The following SEMA4F variants were observed in gnomAD, a reference collection of about 807,000 sequenced individuals.
SEMA4F encodes ssemaphorin 4F.
In SEMA4F, 51 loss-of-function variants were observed where a neutral mutation model predicts 78.4. The observed-to-expected ratio is 0.65, with a 90% CI of 0.52 to 0.82. The LOEUF (loss-of-function observed/expected upper bound fraction) is 0.82, where lower values mean the gene tolerates loss of function less well. SEMA4F is among the 40% of genes least tolerant of loss of function. The pLI, the probability that SEMA4F is intolerant of heterozygous loss-of-function variation, is 0.00. For synonymous variants in SEMA4F, 418 were observed against 408.7 expected, an observed-to-expected ratio of 1.02 and a Z score of -0.27; for missense variants, 938 against 1,014.4, an observed-to-expected ratio of 0.92 and a Z score of 1.02.
chr2:74,706,997 G>A, the SEMA4F span, among the ~76,000 whole-genome samples: 5 of 152,096 alleles, frequency 3.3e-5, no homozygotes, highest in Non-Finnish European at 7.4e-5. Context: ...AACAAGGCTG[G>A]ATCTCACCCT....
intron 12 of SEMA4F, among the ~76,000 whole-genome samples, chr2:74,676,688 A>G (rs1253329197): frequency 1.3e-5 from 2 of 152,000 alleles, no homozygotes; most frequent in African/African-American, 4.8e-5. Context: ...GTCCACCTCT[A>G]CCACTACCAC....
At chr2:74,705,134 CAATT>C in the SEMA4F span, among the ~76,000 whole-genome samples, 2 of 152,130 alleles carry the variant, frequency 1.3e-5, no homozygotes, top group African/African-American at 2.4e-5. Context: ...ATTAAAATAA[CAATT>C]AAATACCATT....
At chr2:74,662,913 C>A in intron 5 of SEMA4F, 88 bp downstream of exon 5, 1 of 1,142,330 alleles carries the variant, frequency 8.8e-7, no homozygotes, top group Non-Finnish European at 1.3e-6. Context: ...TTCTTTCTTA[C>A]CTTGGAATGT....
At chr2:74,671,713 C>T (rs770201496) in intron 5 of SEMA4F, among the ~76,000 whole-genome samples, 6 of 152,224 alleles carry the variant, frequency 3.9e-5, no homozygotes, top group Non-Finnish European at 8.8e-5. Context: ...GAAGGCACTT[C>T]AGCCTTAGGA....
chr2:74,666,550 C>T (rs531200271), intron 5 of SEMA4F, among the ~76,000 whole-genome samples: 3 of 152,098 alleles, frequency 2.0e-5, no homozygotes, highest in Admixed American at 6.5e-5. Flanking sequence ...TGTCTCAGAT[C>T]CAAATCATAG....
chr2:74,675,823 C>T lies in SEMA4F; in HGVS notation c.1557C>T (p.Cys519=), dbSNP rs1251560771. The T allele has an allele frequency of 6.2e-7, 1 of 1,614,270 alleles. No homozygotes were observed. The highest frequency in any genetic ancestry group is 1.7e-5 in the Admixed American group (1 of 60,034). ...CCAACTGTGGCCGTCTCCAGAGCTG[C>T]TCAGAGTGCATCCTGGCCCAGGACC... ...NTTNCGRLQS[C]SECILAQDPV... The change falls in exon 12 of 14, where the codon TGC becomes TGT. Residue 519 remains cysteine (C), a synonymous_variant. Coordinates refer to ENST00000357877, the MANE Select transcript of SEMA4F (RefSeq NM_004263.5).
rs377346956 is a variant in SEMA4F, at chr2:74,675,505, G to T, written c.1373-20G>T. The T allele has an allele frequency of 1.2e-5, 19 of 1,609,586 alleles. No individual in the cohort carries two copies. The African/African-American group carries it at 2.4e-4, about 20-fold the overall frequency. On this transcript the variant is annotated intron_variant, in intron 10 of 13. Coordinates refer to ENST00000357877, the MANE Select transcript of SEMA4F (RefSeq NM_004263.5). Reference sequence around the variant, plus strand: ...CAGGGGCAATTATGTAATTATTCTTGTTCCTTTCCTGTCCCCTAGAGGATG... The same window carrying T: ...CAGGGGCAATTATGTAATTATTCTTTTTCCTTTCCTGTCCCCTAGAGGATG...
chr2:74,683,304 C>G lies in SEMA4F; in HGVS notation c.*3095C>G, dbSNP rs913035234. On this transcript the variant is annotated 3_prime_UTR_variant, in exon 14 of 14. Coordinates refer to ENST00000357877, the MANE Select transcript of SEMA4F (RefSeq NM_004263.5). ...CACTAATCACCTCACATGGGTTCATCTGAACTTTATGCCAGCCCAAAACAC... is the reference window on the plus strand; with the variant it reads ...CACTAATCACCTCACATGGGTTCATGTGAACTTTATGCCAGCCCAAAACAC... The G allele has an allele frequency of 6.6e-6, 1 of 152,220 alleles. No individual in the cohort carries two copies. Among genetic ancestry groups the G allele is most frequent in the Non-Finnish European group, 1.5e-5 (1 of 68,052 alleles). 9.4% of individuals were successfully genotyped at this position (152,220 alleles called of 1,614,324 possible). A position where few individuals can be genotyped will look rare whatever the true frequency, so the allele number is the denominator to read the frequency against.
At position 74,673,460 on chromosome 2, in the gene SEMA4F, GGGT is replaced by G; in HGVS notation, c.555_557del (p.Val186del). The G allele has an allele frequency of 6.2e-7, 1 of 1,614,094 alleles. No individual in the cohort carries two copies. Among genetic ancestry groups the G allele is most frequent in the South Asian group, 1.1e-5 (1 of 91,062 alleles). On this transcript the variant is annotated inframe_deletion, in exon 6 of 14. Transcript: ENST00000357877. ...TCTCCTCCCTGTCGCCCTGCAGGGG[GGGT>G]CCTCTATGCTGCCACTGTGAAAAAC...
At position 74,675,254 on chromosome 2, in the gene SEMA4F, G is replaced by A. The variant is rs769588310; in HGVS notation, c.1242G>A (p.Met414Ile). 6.2e-7 allele frequency: 1 copy of A among 1,614,174 alleles called. No individual in the cohort carries two copies. ...CCTTCATCCGGGACCACCCACTCAT[G>A]GACAGGCCAGTGTTTCCAGCTGATG... is the stretch of plus-strand genomic sequence containing the variant. ...VLTFIRDHPL[M>I]DRPVFPADGH... is the part of the protein sequence containing the mutation. The change falls in exon 10 of 14, where the codon ATG becomes ATA. Residue 414 changes from methionine to isoleucine, a missense_variant. Coordinates refer to ENST00000357877, the MANE Select transcript of SEMA4F (RefSeq NM_004263.5).
chr2:74,695,580 G>C, the SEMA4F span, among the ~76,000 whole-genome samples: 1 of 152,178 alleles, frequency 6.6e-6, no homozygotes, highest in African/African-American at 2.4e-5. Flanking sequence ...TTGTCATATA[G>C]AGGGTAATTC....
chr2:74,704,015 A>G, the SEMA4F span, among the ~76,000 whole-genome samples: 1 of 152,124 alleles, frequency 6.6e-6, no homozygotes, highest in Non-Finnish European at 1.5e-5. Flanking sequence ...TACCCATTTT[A>G]GATTAGACTG....
chr2:74,673,845 G>GCTGT lies in SEMA4F; in HGVS notation c.822+27_822+30dup. ...GTGTGTGCGGTGAGACCCCATCCCA[G>GCTGT]CTGTCTGTCTGTCATCTCCTGCTCT... On this transcript the variant is annotated intron_variant, in intron 7 of 13. Coordinates refer to ENST00000357877, the MANE Select transcript of SEMA4F (RefSeq NM_004263.5). 6.2e-7 allele frequency: 1 copy of GCTGT among 1,607,930 alleles called. No homozygotes were observed. The highest frequency in any genetic ancestry group is 2.2e-5 in the East Asian group (1 of 44,788).
intron 4 of SEMA4F, among the ~76,000 whole-genome samples, chr2:74,659,360 G>C (rs1267647407): frequency 2.0e-5 from 3 of 152,154 alleles, no homozygotes; most frequent in African/African-American, 7.2e-5. Context: ...ATTCTTCCTT[G>C]TTTCTCTGAG....
intron 12 of SEMA4F, 90 bp from the exon 13 acceptor site, chr2:74,679,186 G>A: frequency 1.0e-6 from 1 of 990,422 alleles, no homozygotes; most frequent in Non-Finnish European, 1.6e-6. Context: ...GATGATGGGA[G>A]ATATATTGAA....
At chr2:74,664,412 T>C (rs1277058402) in intron 5 of SEMA4F, among the ~76,000 whole-genome samples, 1 of 152,238 alleles carries the variant, frequency 6.6e-6, no homozygotes, top group Middle Eastern at 3.2e-3. Flanking sequence ...ATTTTGCTAG[T>C]ATCCATATGA....
At chr2:74,690,661 A>G in the SEMA4F span, among the ~76,000 whole-genome samples, 53,277 of 152,152 alleles carry the variant, frequency 0.35, 15,088 homozygotes, top group East Asian at 0.82. Context: ...CTAATTTTTT[A>G]TTTTTGCAAT....
downstream of SEMA4F, among the ~76,000 whole-genome samples, chr2:74,686,695 G>A (rs1213689191): frequency 6.6e-6 from 1 of 152,168 alleles, no homozygotes; most frequent in Non-Finnish European, 1.5e-5. Context: ...ATACTATGCA[G>A]CCGTAAAAAG....
intron 12 of SEMA4F, among the ~76,000 whole-genome samples, chr2:74,679,019 A>C (rs1408462497): frequency 3.3e-5 from 5 of 152,220 alleles, no homozygotes; most frequent in African/African-American, 1.2e-4. Flanking sequence ...ACATCTTTAC[A>C]ACAGACCTAG....
Sources: gnomAD v4.1 joint callset for allele counts (sites outside exome capture counted in the v4.1 genomes callset) on GRCh38, gnomAD v4.1.1 for gene constraint, MANE v1.5 for transcripts, NCBI Gene and HGNC (gene_info 2026-07-23, HGNC 2026-07-21) for gene names.